The following ANO1 variants were observed in gnomAD, a reference collection of about 807,000 sequenced individuals.
ANO1 encodes anoctamin-1.
ANO1 carries 59 observed loss-of-function variants against 124.0 expected under a neutral mutation model. The observed-to-expected ratio is 0.48, with a 90% CI of 0.39 to 0.59. ANO1 has a LOEUF of 0.59. Ranked by LOEUF, ANO1 falls within the 20% of genes least tolerant of loss-of-function variation. The pLI is 0.00. For missense variants in ANO1, 1,059 were observed against 1,328.0 expected, an observed-to-expected ratio of 0.80 and a Z score of 3.15; for synonymous variants, 529 against 532.0, an observed-to-expected ratio of 0.99 and a Z score of 0.08.
At chr11:69,981,702 C>A (rs1554996233), upstream of ANO1, among the ~76,000 whole-genome samples, 1 of 152,248 alleles carries the variant, frequency 6.6e-6, no homozygotes, top group East Asian at 1.9e-4. Flanking sequence ...AGCCACTGAG[C>A]TCTCTGCCCA....
intron 14 of ANO1, among the ~76,000 whole-genome samples, chr11:70,154,394 G>C (rs1172067383): frequency 6.6e-6 from 1 of 150,680 alleles, no homozygotes; most frequent in Non-Finnish European, 1.5e-5. Context: ...TCAAGGCCCA[G>C]CTCTTCAAAT....
In ANO1 at chr11:70,037,533, A is replaced by G. The variant is rs1857114992; in HGVS notation, c.59-41009A>G. On this transcript the variant is annotated intron_variant, in intron 1 of 27. Coordinates refer to the ANO1 transcript ENST00000531349. Reference sequence around the variant, plus strand: ...GAAGGTGGGTCACAGACGCCAAGGAAGGACCCAGGTGGCCTAGTGGGAAAA... The same window carrying G: ...GAAGGTGGGTCACAGACGCCAAGGAGGGACCCAGGTGGCCTAGTGGGAAAA... Among the ~76,000 whole-genome samples, 4 of 152,132 alleles carry G rather than the reference A, an allele frequency of 2.6e-5. No homozygotes were observed. The South Asian group carries it at 8.3e-4, about 32-fold the overall frequency.
intron 11 of ANO1, among the ~76,000 whole-genome samples, chr11:70,146,386 T>G (rs1439127357): frequency 6.6e-6 from 1 of 152,138 alleles, no homozygotes; most frequent in African/African-American, 2.4e-5. Flanking sequence ...CCTCGTGAAC[T>G]GGTGACTGTT....
In ANO1 at chr11:70,088,229, G is replaced by A. The variant is rs551874492; in HGVS notation, c.441+145G>A. On this transcript the variant is annotated intron_variant, in intron 2 of 25. Transcript: ENST00000355303. Reference sequence around the variant, plus strand: ...AGCTGTTCTTAAAGAAGGGGCAGACGGGCCAGACGCAGTGGCTCACACCTG... The same window carrying A: ...AGCTGTTCTTAAAGAAGGGGCAGACAGGCCAGACGCAGTGGCTCACACCTG... The A allele has an allele frequency of 3.1e-4, 200 of 643,518 alleles. 1 individual carries two copies. In the East Asian group the frequency reaches 5.2e-3, roughly 17 times the overall value. 39.9% of individuals were successfully genotyped at this position (643,518 alleles called of 1,614,324 possible).
At chr11:70,105,946 G>C (rs1039960338) in intron 5 of ANO1, among the ~76,000 whole-genome samples, 158 bp downstream of exon 5, 1 of 152,112 alleles carries the variant, frequency 6.6e-6, no homozygotes, top group African/African-American at 2.4e-5. Context: ...GCAACGAGGG[G>C]CCCAGGGGAT....
At chr11:70,021,598 C>T (rs116829596) in intron 1 of ANO1, among the ~76,000 whole-genome samples, 195 of 152,116 alleles carry the variant, frequency 1.3e-3, no homozygotes, top group South Asian at 4.2e-4. Context: ...CCATTTAAAG[C>T]GGCCTCATTA....
chr11:70,049,602 G>A (rs1203958383), intron 1 of ANO1, among the ~76,000 whole-genome samples: 1 of 152,144 alleles, frequency 6.6e-6, no homozygotes, highest in Non-Finnish European at 1.5e-5. Flanking sequence ...GTAATGGTGG[G>A]GATAACTATT....
intron 1 of ANO1, among the ~76,000 whole-genome samples, chr11:70,026,733 T>C (rs1856914515): frequency 6.6e-6 from 1 of 152,172 alleles, no homozygotes. Context: ...TCCAGGCTTC[T>C]TACCAAGTGC....
chr11:70,031,440 G>A (rs562381465), intron 1 of ANO1, among the ~76,000 whole-genome samples: 26 of 152,284 alleles, frequency 1.7e-4, no homozygotes, highest in African/African-American at 5.5e-4. Flanking sequence ...GAAAGGCCCC[G>A]TGCCTCCTGC....
intron 8 of ANO1, among the ~76,000 whole-genome samples, chr11:70,122,962 A>T (rs563366092): frequency 1.3e-5 from 2 of 152,276 alleles, no homozygotes; most frequent in South Asian, 4.1e-4. Flanking sequence ...GTACACAGTA[A>T]AACTGTGGCC....
the ANO1 span, among the ~76,000 whole-genome samples, chr11:69,966,665 G>A: frequency 1.2e-4 from 18 of 152,242 alleles, no homozygotes; most frequent in Admixed American, 3.3e-4. Flanking sequence ...GGGTTGGGGC[G>A]TTGGGGTGAG....
intron 12 of ANO1, chr11:70,150,028 C>A: frequency 1.6e-6 from 1 of 627,514 alleles, no homozygotes. Flanking sequence ...TTTTCATCCC[C>A]ATGCTCACAT....
rs1224249612 is a variant in ANO1, at chr11:69,999,580, A to T, written c.58+13414A>T. Among the ~76,000 whole-genome samples, 5 of 152,256 alleles carry T rather than the reference A, an allele frequency of 3.3e-5. No homozygotes were observed. The South Asian group carries it at 8.3e-4, about 25-fold the overall frequency. ...CAGCAGCATCTGAGAACATAACAGGATTCTAATGTGTTGGCTTTACGCACC... is the reference window on the plus strand; with the variant it reads ...CAGCAGCATCTGAGAACATAACAGGTTTCTAATGTGTTGGCTTTACGCACC... On this transcript the variant is annotated intron_variant, in intron 1 of 27. Coordinates refer to the ANO1 transcript ENST00000531349.
chr11:70,025,121 G>A (rs1202322123), intron 1 of ANO1, among the ~76,000 whole-genome samples: 2 of 152,208 alleles, frequency 1.3e-5, no homozygotes, highest in African/African-American at 2.4e-5. Flanking sequence ...TCAGAACACA[G>A]CTTTGGCCTC....
intron 2 of ANO1, among the ~76,000 whole-genome samples, chr11:70,096,357 C>G (rs964796859): frequency 6.6e-6 from 1 of 152,160 alleles, no homozygotes; most frequent in Non-Finnish European, 1.5e-5. Context: ...CTGCTGGGCA[C>G]CCGTATCGGT....
Position 70,089,996 on chromosome 11 carries a change from TTTGTTTGTTTGTTTG to T in ANO1, c.441+1915_441+1929del, listed in dbSNP as rs1565188210. Reference sequence around the variant, plus strand: ...TGTCTCATCTGTTCCCCAGGGTTTGTTTGTTTGTTTGTTTGTTTGTTTGTTTGTTTGTTTGTTTGT... The same window carrying T: ...TGTCTCATCTGTTCCCCAGGGTTTGTTTTGTTTGTTTGTTTGTTTGTTTGT... On this transcript the variant is annotated intron_variant, in intron 2 of 25. Coordinates refer to ENST00000355303, the MANE Select transcript of ANO1 (RefSeq NM_018043.7). Among the ~76,000 whole-genome samples, 25 of 151,268 alleles carry T rather than the reference TTTGTTTGTTTGTTTG, an allele frequency of 1.7e-4. No homozygotes were observed. The South Asian group carries it at 2.3e-3, about 14-fold the overall frequency.
chr11:70,049,576 G>A (rs1337691071), intron 1 of ANO1, among the ~76,000 whole-genome samples: 3 of 142,494 alleles, frequency 2.1e-5, no homozygotes, highest in African/African-American at 7.7e-5. Context: ...TGGGGATGGA[G>A]GATAAATGCT....
rs145540746 is a variant in ANO1, at chr11:70,095,506, C to T, written c.441+7422C>T. On this transcript the variant is annotated intron_variant, in intron 2 of 25. Transcript: ENST00000355303. Reference sequence around the variant, plus strand: ...TCATGTTTTTAAAGTGACCCCAAGACCATCATTGCACAGCTCTGCCACAGG... The same window carrying T: ...TCATGTTTTTAAAGTGACCCCAAGATCATCATTGCACAGCTCTGCCACAGG... Among the ~76,000 whole-genome samples the T allele has an allele frequency of 5.2e-3, 785 of 152,312 alleles. 2 individuals are homozygous for T. Among genetic ancestry groups the T allele is most frequent in the Non-Finnish European group, 9.3e-3 (633 of 68,020 alleles).
chr11:70,010,640 C>T (rs1472322663), intron 1 of ANO1, among the ~76,000 whole-genome samples: 1 of 152,008 alleles, frequency 6.6e-6, no homozygotes, highest in Non-Finnish European at 1.5e-5. Context: ...CCTGGGGCAT[C>T]ATGGGAGAGA....
Sources: gnomAD v4.1 joint callset for allele counts (sites outside exome capture counted in the v4.1 genomes callset) on GRCh38, gnomAD v4.1.1 for gene constraint, MANE v1.5 for transcripts, NCBI Gene and HGNC (gene_info 2026-07-23, HGNC 2026-07-21) for gene names.